Variants in CD99 observed in about 807,000 individuals in gnomAD.
CD99 encodes CD99 molecule (Xg blood group), also known as CD99 antigen.
In CD99, 19 loss-of-function variants were observed where a neutral mutation model predicts 28.4. That is an observed-to-expected ratio of 0.67 (90% CI 0.47 to 0.98). The LOEUF is 0.98. Among genes scored for constraint, CD99 ranks in the 50% least tolerant of loss-of-function variants. The pLI is 0.00. For synonymous variants in CD99, 103 were observed against 92.1 expected (o/e 1.12, Z -0.67); for missense variants, 283 against 248.8 (o/e 1.14, Z -0.92).
At chrX:2,711,401 A>ATG (rs1404580245) in intron 1 of CD99, among the ~76,000 whole-genome samples, 14 of 126,908 alleles carry the variant, frequency 1.1e-4, no homozygotes, top group African/African-American at 4.9e-4. Flanking sequence ...TATATATAGT[A>ATG]TGTGTGTGTA....
At position 2,740,785 on chromosome X, in the gene CD99, G is replaced by C. The variant is rs150825051; in HGVS notation, c.539G>C (p.Arg180Pro). Residue 180 changes from arginine (R) to proline (P), a missense_variant, in exon 10 of 10, where the codon CGT becomes CCT. Physicochemically the swap from Arg to Pro is moderately radical, Grantham distance 103. Transcript: ENST00000381192. ...RNANAEPAVQRTLLEK is the reference protein window; with the variant it reads ...RNANAEPAVQPTLLEK ...TTGTCTCTGTCTCCCACAGTTCAGC[G>C]TACTCTTTTAGAGAAATAGAAGATT... is the stretch of plus-strand genomic sequence containing the variant. 6.2e-7 allele frequency: 1 copy of C among 1,613,880 alleles called. No homozygotes were observed. Among genetic ancestry groups the C allele is most frequent in the Middle Eastern group, 1.7e-4 (1 of 6,054 alleles).
intron 7 of CD99, among the ~76,000 whole-genome samples, chrX:2,724,861 G>T (rs1340353038): frequency 6.7e-6 from 1 of 148,986 alleles, no homozygotes; most frequent in African/African-American, 2.5e-5. Context: ...TCGTGCCACT[G>T]CACTCCAGCC....
At chrX:2,723,613 GGC>G (rs2124126350) in intron 7 of CD99, among the ~76,000 whole-genome samples, 1 of 152,254 alleles carries the variant, frequency 6.6e-6, no homozygotes, top group East Asian at 1.9e-4. Flanking sequence ...TGCCCTGGCT[GGC>G]GACCCGACCC....
intron 8 of CD99, among the ~76,000 whole-genome samples, chrX:2,733,935 G>T (rs1190684990): frequency 6.6e-6 from 1 of 152,206 alleles, no homozygotes; most frequent in East Asian, 1.9e-4. Flanking sequence ...TACACACCTT[G>T]GTTCCTAGAA....
chrX:2,734,239 C>T (rs2049820516), intron 8 of CD99, among the ~76,000 whole-genome samples: 1 of 147,282 alleles, frequency 6.8e-6, no homozygotes, highest in African/African-American at 2.5e-5. Context: ...TATTTCTTTT[C>T]CTTCTATTTA....
chrX:2,700,185 T>G (rs1367963495), intron 1 of CD99, among the ~76,000 whole-genome samples: 1 of 152,152 alleles, frequency 6.6e-6, no homozygotes, highest in Non-Finnish European at 1.5e-5. Context: ...GATGCCTGCC[T>G]TCACCACTAG....
At chrX:2,734,036 T>C (rs1309979490) in intron 8 of CD99, among the ~76,000 whole-genome samples, 2 of 152,194 alleles carry the variant, frequency 1.3e-5, no homozygotes, top group Non-Finnish European at 2.9e-5. Flanking sequence ...GTCAGGTCCC[T>C]ATTCACACAT....
rs190927268 is a variant in CD99 at position 2,732,373 on chromosome X, G to A, written c.476-5827G>A. On this transcript the variant is annotated intron_variant, in intron 8 of 9. Coordinates refer to ENST00000381192, the MANE Select transcript of CD99 (RefSeq NM_002414.5). ...GGTGGCTGGTCCTACTGCTCTGTTT[G>A]CCAGGGTCCTGGGCTCACAGTGGGT... 2.0e-3 allele frequency among the ~76,000 whole-genome samples: 307 copies of A among 152,210 alleles called. 4 individuals are homozygous for A. The highest frequency in any genetic ancestry group is 7.2e-3 in the African/African-American group (299 of 41,536).
chrX:2,733,036 C>T (rs1177163228), intron 8 of CD99, among the ~76,000 whole-genome samples: 1 of 140,116 alleles, frequency 7.1e-6, no homozygotes, highest in Non-Finnish European at 1.6e-5. Context: ...TTTTTTCCAA[C>T]CTCCTTCCCT....
rs1173811432 is a variant in CD99, at chrX:2,719,375, ATTAC to A, written c.149-283_149-280del. 9.6e-5 allele frequency: 40 copies of A among 417,890 alleles called. No individual in the cohort carries two copies. In the East Asian group the frequency reaches 1.5e-3, roughly 15 times the overall value. The allele number at this position is 417,890 out of a possible 1,614,324, so 25.9% of individuals were successfully genotyped here. ...TCCAGGCAACACAATTCATTTATAAATTACTTTATTTCTCTCTCTCTCTCCCCAC... is the reference window on the plus strand; with the variant it reads ...TCCAGGCAACACAATTCATTTATAAATTTATTTCTCTCTCTCTCTCCCCAC... On this transcript the variant is annotated intron_variant, in intron 3 of 9. Coordinates refer to ENST00000381192, the MANE Select transcript of CD99 (RefSeq NM_002414.5).
chrX:2,712,342 T>C (rs2048447128), intron 1 of CD99, among the ~76,000 whole-genome samples: 1 of 152,084 alleles, frequency 6.6e-6, no homozygotes, highest in Non-Finnish European at 1.5e-5. Context: ...AAGAATGCGT[T>C]GCATACTTGA....
At chrX:2,728,685 G>A (rs1342003823) in intron 8 of CD99, among the ~76,000 whole-genome samples, 1 of 152,096 alleles carries the variant, frequency 6.6e-6, no homozygotes, top group East Asian at 1.9e-4. Flanking sequence ...CTCAATGGAA[G>A]GGAATTTTTG....
At chrX:2,737,288 C>T (rs2049992954) in intron 8 of CD99, among the ~76,000 whole-genome samples, 1 of 151,840 alleles carries the variant, frequency 6.6e-6, no homozygotes, top group African/African-American at 2.4e-5. Flanking sequence ...AATGATTCTC[C>T]TGTCTCAGCC....
intron 6 of CD99, 142 bp downstream of exon 6, chrX:2,722,816 C>T: frequency 1.1e-6 from 1 of 918,540 alleles, no homozygotes; most frequent in Non-Finnish European, 1.8e-6. Flanking sequence ...GGAACTCCGC[C>T]TGTTTGCTGA....
At chrX:2,705,956 A>G (rs1263131081) in intron 1 of CD99, among the ~76,000 whole-genome samples, 3 of 151,788 alleles carry the variant, frequency 2.0e-5, no homozygotes, top group Non-Finnish European at 2.9e-5. Flanking sequence ...CTGAGCTACA[A>G]TTATCTCTAG....
intron 1 of CD99, among the ~76,000 whole-genome samples, chrX:2,709,700 A>ATAGACACACACATGCATGTACG (rs2048305053): frequency 6.6e-6 from 1 of 152,216 alleles, no homozygotes; most frequent in South Asian, 2.1e-4. Context: ...ATGCATGAAC[A>ATAGACACACACATGCATGTACG]TAGACACACA....
chrX:2,710,820 G>C (rs1352340198), intron 1 of CD99, among the ~76,000 whole-genome samples: 7 of 149,948 alleles, frequency 4.7e-5, no homozygotes, highest in Non-Finnish European at 1.0e-4. Context: ...AATTGATCTA[G>C]CAGTCCCTCT....
intron 1 of CD99, among the ~76,000 whole-genome samples, chrX:2,699,655 C>T (rs2047753333): frequency 6.6e-6 from 1 of 152,074 alleles, no homozygotes; most frequent in African/African-American, 2.4e-5. Context: ...CAGGGTCTCC[C>T]TATGTTGCCC....
intron 1 of CD99, among the ~76,000 whole-genome samples, chrX:2,711,222 C>CTA (rs1242572521): frequency 5.5e-5 from 8 of 144,680 alleles, no homozygotes; most frequent in East Asian, 2.0e-4. Flanking sequence ...CAGGGCAAGT[C>CTA]TATATATATA....
Sources: allele counts gnomAD v4.1 joint callset (sites outside exome capture counted in the v4.1 genomes callset), GRCh38; gene constraint gnomAD v4.1.1; transcripts MANE v1.5; gene names NCBI Gene and HGNC (gene_info 2026-07-23, HGNC 2026-07-21).